The following KCNQ1 variants were observed in gnomAD, a reference collection of about 807,000 sequenced individuals.
KCNQ1 encodes potassium voltage-gated channel subfamily Q member 1.
A neutral mutation model predicts 72.4 loss-of-function variants in KCNQ1; 49 were observed. That is an observed-to-expected ratio of 0.68 (90% CI 0.54 to 0.86). The LOEUF is 0.86. KCNQ1 is among the 40% of genes least tolerant of loss of function. KCNQ1 has a pLI of 0.00. For missense variants in KCNQ1, 790 were observed against 945.1 expected (o/e 0.84, Z 2.15); for synonymous variants, 450 against 412.6 (o/e 1.09, Z -1.10).
At position 2,661,801 on chromosome 11, in the gene KCNQ1, A is replaced by G. The variant is rs1325982292; in HGVS notation, c.1394-160A>G. ...CACTTTGGGGCCATCTTAAACACCC[A>G]CCCACCCCAACACCCAACTATAAAA... On this transcript the variant is annotated intron_variant, in intron 10 of 15. Coordinates refer to ENST00000155840, the MANE Select transcript of KCNQ1 (RefSeq NM_000218.3). This position sits in a 1 kb window ranked among gnomAD's most constrained non-coding sequence, Gnocchi z 5.9. 2.5e-6 allele frequency: 2 copies of G among 796,984 alleles called. No individual in the cohort carries two copies. The highest frequency in any genetic ancestry group is 3.4e-5 in the African/African-American group (2 of 58,330). 49.4% of individuals were successfully genotyped at this position (796,984 alleles called of 1,614,324 possible).
chr11:2,814,372 T>G (rs907959818), intron 15 of KCNQ1, among the ~76,000 whole-genome samples: 1 of 149,132 alleles, frequency 6.7e-6, no homozygotes, highest in Non-Finnish European at 1.5e-5. Context: ...AAGAGGTGGA[T>G]AGATAAATGG....
chr11:2,652,781 G>A lies in KCNQ1; in HGVS notation c.1394-9180G>A, dbSNP rs1236625235. 1.8e-5 allele frequency: 7 copies of A among 398,948 alleles called. No individual in the cohort carries two copies. Among genetic ancestry groups the A allele is most frequent in the African/African-American group, 1.0e-4 (5 of 48,620 alleles). 24.7% of individuals were successfully genotyped at this position (398,948 alleles called of 1,614,324 possible). A position where few individuals can be genotyped will look rare whatever the true frequency, so the allele number is the denominator to read the frequency against. On this transcript the variant is annotated intron_variant, in intron 10 of 15. Coordinates refer to ENST00000155840, the MANE Select transcript of KCNQ1 (RefSeq NM_000218.3). The surrounding 1 kb of genome is among the most constrained non-coding windows in gnomAD (Gnocchi z 5.9). ...ACTGCCTGTCTTCCTCAGCGCCCCC[G>A]CTACTCAGACCCCACCCTTGGGCCT... is the stretch of plus-strand genomic sequence containing the variant.
At position 2,521,527 on chromosome 11, in the gene KCNQ1, C is replaced by T. The variant is rs80269976; in HGVS notation, c.387-6401C>T. 402 of 470,810 alleles carry T rather than the reference C, an allele frequency of 8.5e-4. 1 individual carries two copies. Among genetic ancestry groups the T allele is most frequent in the African/African-American group, 7.1e-3 (354 of 50,196 alleles). The allele number at this position is 470,810 out of a possible 1,614,324, so 29.2% of individuals were successfully genotyped here. A position where few individuals can be genotyped will look rare whatever the true frequency, so the allele number is the denominator to read the frequency against. On this transcript the variant is annotated intron_variant, in intron 1 of 15. Transcript: ENST00000155840. The stretch of plus-strand genomic sequence containing the variant: ...CACGAGAGTGCAAAGTTCTGTGAAA[C>T]GCTCCAGTGGTTACACGCCCCGGGG...
chr11:2,749,826 A>G (rs780538142), intron 11 of KCNQ1, among the ~76,000 whole-genome samples: 9 of 150,686 alleles, frequency 6.0e-5, no homozygotes, highest in Non-Finnish European at 1.2e-4. Context: ...AAATATATAT[A>G]TATTAGCTGG....
intron 6 of KCNQ1, among the ~76,000 whole-genome samples, chr11:2,573,912 G>A (rs1848378771): frequency 1.3e-5 from 2 of 152,258 alleles, no homozygotes; most frequent in African/African-American, 4.8e-5. Context: ...CCAAGTCACT[G>A]GCCTGTGGGC....
At chr11:2,644,371 T>G (rs1849633077) in intron 10 of KCNQ1, 1 of 398,286 alleles carries the variant, frequency 2.5e-6, no homozygotes, top group Non-Finnish European at 4.4e-6. Context: ...TATTGAAGCT[T>G]TCAAATATGT....
chr11:2,551,226 G>A (rs1847978670), intron 2 of KCNQ1, among the ~76,000 whole-genome samples: 1 of 152,134 alleles, frequency 6.6e-6, no homozygotes, highest in African/African-American at 2.4e-5. Flanking sequence ...CAAGATCCAA[G>A]GTGTTCCCAT....
At chr11:2,490,781 C>T (rs1390863806) in intron 1 of KCNQ1, among the ~76,000 whole-genome samples, 5 of 152,134 alleles carry the variant, frequency 3.3e-5, no homozygotes, top group Admixed American at 6.5e-5. Flanking sequence ...CTCTGTCTCC[C>T]GGGTTTAAGC....
intron 11 of KCNQ1, among the ~76,000 whole-genome samples, chr11:2,733,157 C>A (rs1341976738): frequency 6.6e-6 from 1 of 152,114 alleles, no homozygotes; most frequent in Non-Finnish European, 1.5e-5. Flanking sequence ...TCTGGCCCCG[C>A]AGCTGGGGTC....
intron 15 of KCNQ1, among the ~76,000 whole-genome samples, chr11:2,837,405 C>A (rs1192228369): frequency 6.6e-6 from 1 of 152,144 alleles, no homozygotes; most frequent in African/African-American, 2.4e-5. Flanking sequence ...CTCACAGCCT[C>A]CGTTCCCAGA....
In KCNQ1 at chr11:2,479,757, C is replaced by G. The variant is rs1488995476; in HGVS notation, c.386+34273C>G. Reference sequence around the variant, plus strand: ...TACTTATGCAAATTTCTGCAGGCTGCTTGACTTTCTCCTCAGAAAATGGGT... The same window carrying G: ...TACTTATGCAAATTTCTGCAGGCTGGTTGACTTTCTCCTCAGAAAATGGGT... On this transcript the variant is annotated intron_variant, in intron 1 of 15. Transcript: ENST00000155840. This position sits in a 1 kb window ranked among gnomAD's most constrained non-coding sequence, Gnocchi z 4.6. Among the ~76,000 whole-genome samples, 2 of 152,222 alleles carry G rather than the reference C, an allele frequency of 1.3e-5. No individual in the cohort carries two copies. Among genetic ancestry groups the G allele is most frequent in the African/African-American group, 4.8e-5 (2 of 41,458 alleles).
chr11:2,839,776 G>A (rs1183717319), intron 15 of KCNQ1: 1 of 152,222 alleles, frequency 6.6e-6, no homozygotes, highest in Non-Finnish European at 1.5e-5. Flanking sequence ...TCCGACCAGG[G>A]AGACAGACAA....
At position 2,515,878 on chromosome 11, in the gene KCNQ1, C is replaced by A. The variant is rs1847280421; in HGVS notation, c.387-12050C>A. Among the ~76,000 whole-genome samples, 1 of 151,932 alleles carries A rather than the reference C, an allele frequency of 6.6e-6. No individual in the cohort carries two copies. Among genetic ancestry groups the A allele is most frequent in the Non-Finnish European group, 1.5e-5 (1 of 67,972 alleles). ...CACCCTCCGGGCCCCAGGAGAAGCT[C>A]ATGCCTTTCCTGCTTGCACCCCAGA... On this transcript the variant is annotated intron_variant, in intron 1 of 15. Transcript: ENST00000155840. The surrounding 1 kb of genome is among the most constrained non-coding windows in gnomAD (Gnocchi z 4.7).
At position 2,458,107 on chromosome 11, in the gene KCNQ1, G is replaced by A. The variant is rs1314332735; in HGVS notation, c.386+12623G>A. Among the ~76,000 whole-genome samples the A allele has an allele frequency of 6.6e-6, 1 of 152,146 alleles. No individual in the cohort carries two copies. The highest frequency in any genetic ancestry group is 2.4e-5 in the African/African-American group (1 of 41,436). On this transcript the variant is annotated intron_variant, in intron 1 of 15. Coordinates refer to ENST00000155840, the MANE Select transcript of KCNQ1 (RefSeq NM_000218.3). The surrounding 1 kb of genome is among the most constrained non-coding windows in gnomAD (Gnocchi z 4.6). ...GGAGTATTCATCACAGCAGAAGGCA[G>A]GGAAGTTATCAGAGGCCCCCTAGGG...
rs544883023 is a variant in KCNQ1 at position 2,848,786 on chromosome 11, A to G, written c.*783A>G. ...CCAGTCCCAGCAGCCAGCCAAACACACAGAAGGGGACTGCCACCTCCCCTT... is the reference window on the plus strand; with the variant it reads ...CCAGTCCCAGCAGCCAGCCAAACACGCAGAAGGGGACTGCCACCTCCCCTT... On this transcript the variant is annotated 3_prime_UTR_variant, in exon 16 of 16. Coordinates refer to ENST00000155840, the MANE Select transcript of KCNQ1 (RefSeq NM_000218.3). 2.2e-6 allele frequency: 1 copy of G among 454,018 alleles called. No individual in the cohort carries two copies. The highest frequency in any genetic ancestry group is 2.3e-5 in the Admixed American group (1 of 42,570). The allele number at this position is 454,018 out of a possible 1,614,324, so 28.1% of individuals were successfully genotyped here.
chr11:2,709,127 T>C (rs547033730), intron 11 of KCNQ1, among the ~76,000 whole-genome samples: 15 of 152,254 alleles, frequency 9.9e-5, no homozygotes, highest in Non-Finnish European at 1.9e-4. Context: ...GAATTCGCTG[T>C]AACCCTGTTG....
chr11:2,622,745 G>C, intron 10 of KCNQ1: 1 of 398,402 alleles, frequency 2.5e-6, no homozygotes. Flanking sequence ...GCAGTTTTAG[G>C]GTTCCAGCAA....
intron 1 of KCNQ1, among the ~76,000 whole-genome samples, chr11:2,518,656 G>A (rs1233662846): frequency 1.3e-5 from 2 of 152,134 alleles, no homozygotes; most frequent in African/African-American, 4.8e-5. Flanking sequence ...GCGGGCTGGC[G>A]GCTCTGTCTA....
chr11:2,680,698 C>T (rs1850381950), intron 11 of KCNQ1: 1 of 398,376 alleles, frequency 2.5e-6, no homozygotes, highest in Non-Finnish European at 4.4e-6. Flanking sequence ...CCTCATGTCC[C>T]CCTTTTATAG....
Sources: gnomAD v4.1 joint callset for allele counts (sites outside exome capture counted in the v4.1 genomes callset) on GRCh38, gnomAD v4.1.1 for gene constraint, Gnocchi (gnomAD v3.1) non-coding constraint, MANE v1.5 for transcripts, NCBI Gene and HGNC (gene_info 2026-07-23, HGNC 2026-07-21) for gene names.